ERBB4: variants seen among roughly 807,000 people sequenced by gnomAD.
ERBB4 encodes the protein erb-b2 receptor tyrosine kinase 4, also known as receptor tyrosine-protein kinase erbB-4.
ERBB4 carries 42 observed loss-of-function variants against 158.0 expected under a neutral mutation model. The ratio of observed to expected loss-of-function variants is 0.27; its 90% CI spans 0.21 to 0.34. The LOEUF is 0.34. ERBB4 is among the 10% of genes least tolerant of loss of function. The pLI, the probability that ERBB4 is intolerant of heterozygous loss-of-function variation, is 1.00. For missense variants in ERBB4, 1,333 were observed against 1,624.1 expected (o/e 0.82, Z 3.08); for synonymous variants, 583 against 558.7 (o/e 1.04, Z -0.61).
chr2:211,628,760 G>A (rs1407132590), intron 17 of ERBB4, among the ~76,000 whole-genome samples: 3 of 152,168 alleles, frequency 2.0e-5, no homozygotes, highest in African/African-American at 4.8e-5. Context: ...CTTCCACAAT[G>A]GTTGAACTAG....
chr2:211,605,021 T>C (rs1044517500), intron 19 of ERBB4, among the ~76,000 whole-genome samples: 1 of 152,218 alleles, frequency 6.6e-6, no homozygotes, highest in Non-Finnish European at 1.5e-5. Flanking sequence ...TGTAAGTCTT[T>C]CTGCTAACTT....
At chr2:212,512,158 C>T (rs78158189) in intron 1 of ERBB4, among the ~76,000 whole-genome samples, 3,362 of 152,146 alleles carry the variant, frequency 0.022, 127 homozygotes, top group African/African-American at 0.077. Context: ...ATTCTGCCAG[C>T]AAGGAAGAGG....
In ERBB4 at chr2:211,913,617, A is replaced by ATGTGTGTG. The variant is rs879271352; in HGVS notation, c.421+33812_421+33813insCACACACA. 4.1e-3 allele frequency among the ~76,000 whole-genome samples: 480 copies of ATGTGTGTG among 118,388 alleles called. 4 individuals carry two copies. The highest frequency in any genetic ancestry group is 7.2e-3 in the African/African-American group (206 of 28,612). The allele number at this position is 118,388 out of a possible 152,430, so 77.7% of individuals were successfully genotyped here. ...CTCTATTTCAAAAAAATATATATAT[A>ATGTGTGTG]TATGTGTGTGTGTGTGTGTGTGTGT... is the stretch of plus-strand genomic sequence containing the variant. On this transcript the variant is annotated intron_variant, in intron 3 of 27. Transcript: ENST00000342788.
At chr2:211,682,952 C>T (rs1373737700) in intron 12 of ERBB4, among the ~76,000 whole-genome samples, 1 of 150,794 alleles carries the variant, frequency 6.6e-6, no homozygotes, top group Non-Finnish European at 1.5e-5. Context: ...TCTCTTCCTC[C>T]TTTTCTTCTT....
intron 2 of ERBB4, among the ~76,000 whole-genome samples, chr2:211,973,502 G>A (rs2081516355): frequency 6.6e-6 from 1 of 151,908 alleles, no homozygotes; most frequent in African/African-American, 2.4e-5. Flanking sequence ...TGCCCAGCCG[G>A]GAAATTAAAA....
At chr2:212,456,791 T>TA (rs888420508) in intron 1 of ERBB4, among the ~76,000 whole-genome samples, 4 of 151,938 alleles carry the variant, frequency 2.6e-5, no homozygotes, top group Admixed American at 6.6e-5. Context: ...TTCAGAAAAT[T>TA]AAAAAATAAT....
chr2:211,432,656 C>G (rs1199995545), intron 20 of ERBB4, among the ~76,000 whole-genome samples: 1 of 151,120 alleles, frequency 6.6e-6, no homozygotes, highest in East Asian at 1.9e-4. Flanking sequence ...AGAATATTTT[C>G]ATATCTTCCC....
At chr2:212,177,129 G>T (rs1164544647) in intron 1 of ERBB4, among the ~76,000 whole-genome samples, 1 of 151,650 alleles carries the variant, frequency 6.6e-6, no homozygotes, top group Admixed American at 6.6e-5. Flanking sequence ...CAAGTTTTCA[G>T]ATTTGTATTG....
intron 1 of ERBB4, among the ~76,000 whole-genome samples, chr2:212,323,195 A>G (rs1438259810): frequency 6.7e-6 from 1 of 150,158 alleles, no homozygotes; most frequent in Non-Finnish European, 1.5e-5. Flanking sequence ...CACCAAAAGA[A>G]CCTCTTTTGA....
chr2:211,948,224 C>A (rs2080758510), intron 2 of ERBB4, among the ~76,000 whole-genome samples: 1 of 151,950 alleles, frequency 6.6e-6, no homozygotes, highest in Non-Finnish European at 1.5e-5. Context: ...ATCATGAGGT[C>A]AAGAGATCGA....
chr2:211,964,181 C>G (rs1238886187), intron 2 of ERBB4, among the ~76,000 whole-genome samples: 1 of 152,146 alleles, frequency 6.6e-6, no homozygotes, highest in African/African-American at 2.4e-5. Flanking sequence ...CGGTGAGGTA[C>G]TAGGTTCATG....
chr2:212,509,119 TA>T lies in ERBB4; in HGVS notation c.82+29329del, dbSNP rs11360518. Among the ~76,000 whole-genome samples the T allele has an allele frequency of 8.5e-3, 1,295 of 152,212 alleles. 16 individuals carry two copies. The highest frequency in any genetic ancestry group is 0.029 in the African/African-American group (1,221 of 41,568). ...ACTTAGAAGCTGAGAATAGCCTAAA[TA>T]AAACTTTGCTTCCAGTATTTTGCCA... On this transcript the variant is annotated intron_variant, in intron 1 of 27. Coordinates refer to ENST00000342788, the MANE Select transcript of ERBB4 (RefSeq NM_005235.3).
intron 1 of ERBB4, among the ~76,000 whole-genome samples, chr2:212,304,920 A>G (rs2086754078): frequency 6.6e-6 from 1 of 151,294 alleles, no homozygotes; most frequent in Admixed American, 6.6e-5. Flanking sequence ...ATGTTAGTAT[A>G]TATGTGTGTA....
At chr2:211,392,400 G>C (rs541936674) in intron 25 of ERBB4, among the ~76,000 whole-genome samples, 8 of 151,964 alleles carry the variant, frequency 5.3e-5, no homozygotes, top group Non-Finnish European at 1.0e-4. Context: ...ATAATGGCTG[G>C]GAAAAGCCTA....
At chr2:211,484,024 G>T (rs1216215010) in intron 20 of ERBB4, among the ~76,000 whole-genome samples, 3 of 152,166 alleles carry the variant, frequency 2.0e-5, no homozygotes, top group Admixed American at 1.3e-4. Context: ...AACGCTGAAA[G>T]AATTTAAAAT....
chr2:212,446,621 A>G (rs1270417340), intron 1 of ERBB4, among the ~76,000 whole-genome samples: 2 of 66,814 alleles, frequency 3.0e-5, no homozygotes, highest in Non-Finnish European at 6.0e-5. Context: ...ATATATATAT[A>G]TATATATATA....
At chr2:212,314,145 A>G (rs2106245487) in intron 1 of ERBB4, among the ~76,000 whole-genome samples, 1 of 151,378 alleles carries the variant, frequency 6.6e-6, no homozygotes, top group South Asian at 2.1e-4. Flanking sequence ...TTATGAAAGC[A>G]TGTTATTAAA....
intron 20 of ERBB4, among the ~76,000 whole-genome samples, chr2:211,457,170 T>A (rs922211180): frequency 6.6e-6 from 1 of 152,178 alleles, no homozygotes; most frequent in Admixed American, 6.5e-5. Context: ...CTATACCATG[T>A]GAAAAGAACC....
chr2:212,068,327 T>C (rs1353044820), intron 2 of ERBB4, among the ~76,000 whole-genome samples: 3 of 152,002 alleles, frequency 2.0e-5, no homozygotes, highest in African/African-American at 7.2e-5. Context: ...AAGGGAATTG[T>C]TAAATAAAAA....
Sources: allele counts gnomAD v4.1 joint callset (sites outside exome capture counted in the v4.1 genomes callset), GRCh38; gene constraint gnomAD v4.1.1; transcripts MANE v1.5; gene names NCBI Gene and HGNC (gene_info 2026-07-23, HGNC 2026-07-21).